The following ACVR2A variants were observed in gnomAD, a reference collection of about 807,000 sequenced individuals.
The protein encoded by ACVR2A is activin receptor type-2A.
Under a neutral mutation model 61.4 loss-of-function variants are expected in ACVR2A, and 7 were observed. That is an observed-to-expected ratio of 0.11 (90% CI 0.06 to 0.21). The LOEUF is 0.21. Ranked by LOEUF, ACVR2A falls within the 10% of genes least tolerant of loss-of-function variation. The probability of loss-of-function intolerance (pLI) is 1.00; values close to 1 mark genes in which losing one functional copy is unlikely to be tolerated. For missense variants in ACVR2A, 322 were observed against 621.7 expected, an observed-to-expected ratio of 0.52 and a Z score of 5.13; for synonymous variants, 193 against 208.3, an observed-to-expected ratio of 0.93 and a Z score of 0.63.
intron 4 of ACVR2A, among the ~76,000 whole-genome samples, chr2:147,903,314 T>A (rs1216149254): frequency 6.6e-6 from 1 of 151,662 alleles, no homozygotes; most frequent in East Asian, 1.9e-4. Flanking sequence ...TTATTCTTAT[T>A]CATCCTGGAT....
chr2:147,888,946 G>A (rs749615932), intron 1 of ACVR2A, among the ~76,000 whole-genome samples: 1 of 151,814 alleles, frequency 6.6e-6, no homozygotes, highest in Non-Finnish European at 1.5e-5. Flanking sequence ...AGGTTTTTTG[G>A]TAGGTGCTTT....
At chr2:147,854,102 A>G (rs1685509844) in intron 1 of ACVR2A, among the ~76,000 whole-genome samples, 1 of 152,152 alleles carries the variant, frequency 6.6e-6, no homozygotes, top group Non-Finnish European at 1.5e-5. Flanking sequence ...CTTGGGGGAT[A>G]TTTACATTTG....
Position 147,896,373 on chromosome 2 carries a change from A to G in ACVR2A, c.128A>G (p.Asn43Ser). Residue 43 changes from asparagine to serine, a missense_variant, in exon 2 of 11, where the codon AAT becomes AGT. Coordinates refer to ENST00000241416, the MANE Select transcript of ACVR2A (RefSeq NM_001616.5). Reference protein sequence around the residue: ...FNANWEKDRTNQTGVEPCYGD... With the variant: ...FNANWEKDRTSQTGVEPCYGD... ...GCTAATTGGGAAAAAGACAGAACCA[A>G]TCAAACTGGTGTTGAACCGTGTTAT... The G allele has an allele frequency of 1.2e-6, 2 of 1,614,016 alleles. No homozygotes were observed. Among genetic ancestry groups the G allele is most frequent in the East Asian group, 2.2e-5 (1 of 44,830 alleles).
At chr2:147,918,988 C>G (rs956059378) in intron 7 of ACVR2A, among the ~76,000 whole-genome samples, 1 of 151,870 alleles carries the variant, frequency 6.6e-6, no homozygotes, top group African/African-American at 2.4e-5. Flanking sequence ...TTATCTGTAC[C>G]CTGAGCCAAG....
chr2:147,890,895 G>A (rs1686565733), intron 1 of ACVR2A, among the ~76,000 whole-genome samples: 2 of 151,940 alleles, frequency 1.3e-5, no homozygotes, highest in Admixed American at 6.6e-5. Flanking sequence ...AGGAGGGGTG[G>A]GAAAATTGTC....
intron 1 of ACVR2A, among the ~76,000 whole-genome samples, chr2:147,879,574 G>GT (rs1417837199): frequency 6.6e-6 from 1 of 152,206 alleles, no homozygotes; most frequent in African/African-American, 2.4e-5. Flanking sequence ...TAGAAAGAAT[G>GT]TATCAAGGCC....
At chr2:147,847,925 T>G (rs1013655205) in intron 1 of ACVR2A, among the ~76,000 whole-genome samples, 1 of 152,262 alleles carries the variant, frequency 6.6e-6, no homozygotes, top group African/African-American at 2.4e-5. Context: ...TCTAGAGTTA[T>G]GCAGCTATTG....
At chr2:147,845,854 A>G (rs1462620870) in intron 1 of ACVR2A, among the ~76,000 whole-genome samples, 1 of 152,220 alleles carries the variant, frequency 6.6e-6, no homozygotes, top group Non-Finnish European at 1.5e-5. Flanking sequence ...GCTGGCGTTC[A>G]ACCACCATTT....
At chr2:147,863,830 A>G (rs1012910877) in intron 1 of ACVR2A, among the ~76,000 whole-genome samples, 1 of 152,214 alleles carries the variant, frequency 6.6e-6, no homozygotes, top group African/African-American at 2.4e-5. Flanking sequence ...TTTTGGTTAT[A>G]TAGTGAGCCA....
chr2:147,867,902 A>G (rs1381430498), intron 1 of ACVR2A, among the ~76,000 whole-genome samples: 1 of 152,048 alleles, frequency 6.6e-6, no homozygotes, highest in African/African-American at 2.4e-5. Flanking sequence ...TTGTGCCTCT[A>G]CACTCCGCTG....
At chr2:147,854,850 T>TTA (rs1382059615) in intron 1 of ACVR2A, among the ~76,000 whole-genome samples, 1 of 152,140 alleles carries the variant, frequency 6.6e-6, no homozygotes, top group African/African-American at 2.4e-5. Context: ...TTTATTTGCC[T>TTA]TATCACATAT....
rs765465757 is a variant in ACVR2A, at chr2:147,917,339, T to C, written c.729T>C (p.His243=). ...TCTACAGTTTGCCTGGAATGAAGCA[T>C]GAGAACATATTACAGTTCATTGGTG... ...YEVYSLPGMK[H]ENILQFIGAE... is the part of the protein sequence containing the mutation. Residue 243 remains histidine, a synonymous_variant, in exon 6 of 11, where the codon CAT becomes CAC. Transcript: ENST00000241416. 1 of 1,612,434 alleles carries C rather than the reference T, an allele frequency of 6.2e-7. No individual in the cohort carries two copies. Among genetic ancestry groups the C allele is most frequent in the Non-Finnish European group, 8.5e-7 (1 of 1,178,916 alleles).
chr2:147,881,238 T>C (rs902014068), intron 1 of ACVR2A, among the ~76,000 whole-genome samples: 3 of 152,210 alleles, frequency 2.0e-5, no homozygotes, highest in African/African-American at 7.2e-5. Flanking sequence ...TGTTGTTCTA[T>C]ATATACTTTT....
chr2:147,927,094 C>G lies in ACVR2A; in HGVS notation c.1362C>G (p.Leu454=), dbSNP rs755842897. 1 of 1,611,530 alleles carries G rather than the reference C, an allele frequency of 6.2e-7. No individual in the cohort carries two copies. The highest frequency in any genetic ancestry group is 1.3e-5 in the African/African-American group (1 of 74,714). ...YWQKHAGMAM[L]CETIEECWDH... ...TCTCCTTTTAGGGAATGGCAATGCT[C>G]TGTGAAACCATTGAAGAATGTTGGG... is the stretch of plus-strand genomic sequence containing the variant. The change falls in exon 11 of 11, where the codon CTC becomes CTG. Residue 454 remains leucine, a synonymous_variant. Transcript: ENST00000241416.
At chr2:147,916,567 G>T (rs745862576) in intron 5 of ACVR2A, among the ~76,000 whole-genome samples, 12 of 151,880 alleles carry the variant, frequency 7.9e-5, no homozygotes, top group Non-Finnish European at 1.3e-4. Context: ...TATGTAACTT[G>T]CCAGAGGTTA....
chr2:147,922,824 C>A, intron 8 of ACVR2A, 149 bp from the exon 9 acceptor site: 3 of 685,668 alleles, frequency 4.4e-6, no homozygotes, highest in Non-Finnish European at 4.7e-6. Context: ...TTTAAGTATA[C>A]GCAGAAAGGA....
chr2:147,887,386 C>T (rs1203917569), intron 1 of ACVR2A, among the ~76,000 whole-genome samples: 3 of 152,148 alleles, frequency 2.0e-5, no homozygotes, highest in South Asian at 2.1e-4. Flanking sequence ...TGAATGCCTT[C>T]TGAGTTTCAA....
At chr2:147,898,882 GA>G (rs1686807637) in intron 2 of ACVR2A, among the ~76,000 whole-genome samples, 1 of 151,722 alleles carries the variant, frequency 6.6e-6, no homozygotes, top group Admixed American at 6.6e-5. Flanking sequence ...TGCATTCAGG[GA>G]ATTTAAATCT....
chr2:147,913,373 C>T (rs564741005), intron 4 of ACVR2A, among the ~76,000 whole-genome samples: 15 of 152,044 alleles, frequency 9.9e-5, no homozygotes, highest in South Asian at 4.1e-4. Context: ...CTTCAGCTTT[C>T]AGCCATTTTC....
Sources: gnomAD v4.1 joint callset for allele counts (sites outside exome capture counted in the v4.1 genomes callset) on GRCh38, gnomAD v4.1.1 for gene constraint, MANE v1.5 for transcripts, NCBI Gene and HGNC (gene_info 2026-07-23, HGNC 2026-07-21) for gene names.